VWA8: variants seen among roughly 807,000 people sequenced by gnomAD.
The protein encoded by VWA8 is von Willebrand factor A domain-containing protein 8.
VWA8 carries 221 observed loss-of-function variants against 241.5 expected under a neutral mutation model. The observed-to-expected ratio is 0.91, with a 90% CI of 0.82 to 1.02. The LOEUF (loss-of-function observed/expected upper bound fraction) is 1.02. VWA8 is among the 50% of genes least tolerant of loss of function. The pLI is 0.00. For missense variants in VWA8, 2,322 were observed against 2,328.7 expected, an observed-to-expected ratio of 1.00 and a Z score of 0.06; for synonymous variants, 852 against 827.1, an observed-to-expected ratio of 1.03 and a Z score of -0.52.
At position 41,820,851 on chromosome 13, in the gene VWA8, A is replaced by G. The variant is rs557353810; in HGVS notation, c.1701-1465T>C. On this transcript the variant is annotated intron_variant, in intron 14 of 44. Coordinates refer to ENST00000379310, the MANE Select transcript of VWA8 (RefSeq NM_015058.2). The stretch of plus-strand genomic sequence containing the variant: ...CCACTTCTGCTAAGTGGTTTGCTAT[A>G]ATCCAGAAAACTGCCATAAAGCCCA... Among the ~76,000 whole-genome samples, 7 of 152,322 alleles carry G rather than the reference A, an allele frequency of 4.6e-5. No individual in the cohort carries two copies. The East Asian group carries it at 1.2e-3, about 25-fold the overall frequency.
intron 42 of VWA8, among the ~76,000 whole-genome samples, chr13:41,579,650 T>A (rs2044370363): frequency 6.6e-6 from 1 of 152,226 alleles, no homozygotes; most frequent in Non-Finnish European, 1.5e-5. Flanking sequence ...GACAATACAC[T>A]TACTGACTTT....
At chr13:41,954,869 A>T (rs892439769) in intron 1 of VWA8, among the ~76,000 whole-genome samples, 2 of 152,236 alleles carry the variant, frequency 1.3e-5, no homozygotes, top group African/African-American at 4.8e-5. Flanking sequence ...GGAAAACTTT[A>T]GCTATTAACC....
chr13:41,589,979 T>C (rs1036379393), intron 41 of VWA8, among the ~76,000 whole-genome samples: 9 of 152,228 alleles, frequency 5.9e-5, no homozygotes, highest in African/African-American at 1.9e-4. Context: ...TTAATACATT[T>C]GTATGCCTCT....
chr13:41,884,919 A>G (rs1298363020), intron 8 of VWA8, among the ~76,000 whole-genome samples: 1 of 151,902 alleles, frequency 6.6e-6, no homozygotes, highest in Non-Finnish European at 1.5e-5. Flanking sequence ...ACATACATAC[A>G]TACATACATA....
chr13:41,921,839 C>A (rs754543633), intron 2 of VWA8, among the ~76,000 whole-genome samples: 1 of 152,128 alleles, frequency 6.6e-6, no homozygotes, highest in African/African-American at 2.4e-5. Flanking sequence ...GAATCAGTAT[C>A]GTGAAAATGG....
chr13:41,855,456 G>T (rs111812254), intron 12 of VWA8, among the ~76,000 whole-genome samples: 1 of 149,296 alleles, frequency 6.7e-6, no homozygotes, highest in Admixed American at 6.7e-5. Flanking sequence ...GAGAAATACT[G>T]ATATAAACAT....
chr13:41,673,749 C>T (rs1399803736), intron 36 of VWA8, among the ~76,000 whole-genome samples: 1 of 151,996 alleles, frequency 6.6e-6, no homozygotes, highest in African/African-American at 2.4e-5. Context: ...ACATATATGG[C>T]TTTCATTATA....
At chr13:41,800,330 C>T (rs952980936) in intron 17 of VWA8, among the ~76,000 whole-genome samples, 1 of 152,040 alleles carries the variant, frequency 6.6e-6, no homozygotes, top group Admixed American at 6.6e-5. Flanking sequence ...TTTCTGATAC[C>T]TCTGATATGC....
chr13:41,716,401 G>C lies in VWA8; in HGVS notation c.3116+3190C>G, dbSNP rs374522165. Among the ~76,000 whole-genome samples, 7 of 152,186 alleles carry C rather than the reference G, an allele frequency of 4.6e-5. No homozygotes were observed. The East Asian group carries it at 5.8e-4, about 13-fold the overall frequency. On this transcript the variant is annotated intron_variant, in intron 26 of 44. Coordinates refer to ENST00000379310, the MANE Select transcript of VWA8 (RefSeq NM_015058.2). ...TCTTTAGGAGAACAAAAGGGAAAGTGACAGCATCTCTCTTTTGGGAATTTT... is the reference window on the plus strand; with the variant it reads ...TCTTTAGGAGAACAAAAGGGAAAGTCACAGCATCTCTCTTTTGGGAATTTT...
intron 14 of VWA8, among the ~76,000 whole-genome samples, chr13:41,829,945 T>A (rs182156600): frequency 0.019 from 2,846 of 152,096 alleles, 58 homozygotes; most frequent in Non-Finnish European, 0.027. Context: ...AAAATTTTTT[T>A]AAAAAAATCA....
intron 40 of VWA8, among the ~76,000 whole-genome samples, chr13:41,595,120 T>C (rs1451253799): frequency 6.6e-6 from 1 of 152,248 alleles, no homozygotes; most frequent in Non-Finnish European, 1.5e-5. Flanking sequence ...TTACATTTTC[T>C]GTGATATGTA....
intron 4 of VWA8, among the ~76,000 whole-genome samples, chr13:41,898,942 G>A (rs896862396): frequency 2.4e-4 from 37 of 152,190 alleles, no homozygotes; most frequent in South Asian, 1.0e-3. Flanking sequence ...GCGCAGCCCC[G>A]ATTCCCGCTC....
chr13:41,841,820 A>ATATATATATATAT (rs1303621935), intron 12 of VWA8, among the ~76,000 whole-genome samples: 1 of 22,218 alleles, frequency 4.5e-5, no homozygotes, highest in African/African-American at 1.7e-4. Flanking sequence ...AAAAAAAAAA[A>ATATATATATATAT]ATATATATAT....
In VWA8 at chr13:41,793,933, G is replaced by T. The variant is rs117811430; in HGVS notation, c.2064-6390C>A. Reference sequence around the variant, plus strand: ...CATTGTTTTCGTCAGGTTTGTCAAAGATCAGGTGGTTGTAGATGTGTGATC... The same window carrying T: ...CATTGTTTTCGTCAGGTTTGTCAAATATCAGGTGGTTGTAGATGTGTGATC... On this transcript the variant is annotated intron_variant, in intron 17 of 44. Transcript: ENST00000379310. Among the ~76,000 whole-genome samples, 621 of 152,336 alleles carry T rather than the reference G, an allele frequency of 4.1e-3. 3 individuals carry two copies. The highest frequency in any genetic ancestry group is 7.1e-3 in the Non-Finnish European group (482 of 68,036).
At chr13:41,598,661 T>C (rs1368289259) in intron 40 of VWA8, among the ~76,000 whole-genome samples, 2 of 152,066 alleles carry the variant, frequency 1.3e-5, no homozygotes, top group African/African-American at 4.8e-5. Flanking sequence ...ACCTTTGTAC[T>C]TTGGCTGTGC....
intron 37 of VWA8, among the ~76,000 whole-genome samples, chr13:41,652,779 T>C (rs2044877578): frequency 6.6e-6 from 1 of 152,218 alleles, no homozygotes; most frequent in South Asian, 2.1e-4. Context: ...TAAAAGCCTT[T>C]CATTTGATAG....
intron 17 of VWA8, among the ~76,000 whole-genome samples, chr13:41,804,407 A>G (rs899403309): frequency 6.6e-6 from 1 of 152,204 alleles, no homozygotes; most frequent in African/African-American, 2.4e-5. Flanking sequence ...TAGAATAACC[A>G]GCAAAAATAT....
intron 34 of VWA8, 130 bp downstream of exon 34, chr13:41,689,224 A>G: frequency 9.7e-7 from 1 of 1,033,194 alleles, no homozygotes; most frequent in Non-Finnish European, 1.3e-6. Context: ...ACTGATTTGG[A>G]AGGAAGACTT....
At position 41,568,080 on chromosome 13, in the gene VWA8, C is replaced by T. The variant is rs1298667577; in HGVS notation, c.*117G>A. 31 of 831,756 alleles carry T rather than the reference C, an allele frequency of 3.7e-5. No homozygotes were observed. Among genetic ancestry groups the T allele is most frequent in the Non-Finnish European group, 5.0e-5 (26 of 518,048 alleles). 51.5% of individuals were successfully genotyped at this position (831,756 alleles called of 1,614,324 possible). On this transcript the variant is annotated 3_prime_UTR_variant, in exon 45 of 45. Coordinates refer to ENST00000379310, the MANE Select transcript of VWA8 (RefSeq NM_015058.2). Reference sequence around the variant, plus strand: ...CAAGTGTAGGAAGACCCAGGAATGCCGGAATCATCCAGTCACTGCATGGGT... The same window carrying T: ...CAAGTGTAGGAAGACCCAGGAATGCTGGAATCATCCAGTCACTGCATGGGT...
Sources: allele counts gnomAD v4.1 joint callset (sites outside exome capture counted in the v4.1 genomes callset), GRCh38; gene constraint gnomAD v4.1.1; transcripts MANE v1.5; gene names NCBI Gene and HGNC (gene_info 2026-07-23, HGNC 2026-07-21).